The following TEAD4 variants were observed in gnomAD, a reference collection of about 807,000 sequenced individuals.
TEAD4 encodes the protein TEA domain transcription factor 4.
TEAD4 carries 36 observed loss-of-function variants against 52.4 expected under a neutral mutation model. That is an observed-to-expected ratio of 0.69 (90% confidence interval 0.53 to 0.91). The LOEUF is 0.91. TEAD4 is among the 40% of genes least tolerant of loss of function. The probability of loss-of-function intolerance (pLI) is 0.00; values close to 1 mark genes in which losing one functional copy is unlikely to be tolerated. For synonymous variants in TEAD4, 220 were observed against 231.0 expected, an observed-to-expected ratio of 0.95 and a Z score of 0.43; for missense variants, 508 against 583.9, an observed-to-expected ratio of 0.87 and a Z score of 1.34.
At position 3,040,158 on chromosome 12, in the gene TEAD4, TC is replaced by T; in HGVS notation, c.1094del (p.Pro365ArgfsTer6). 6.2e-7 allele frequency: 1 copy of T among 1,614,136 alleles called. No individual in the cohort carries two copies. ...ACACTACTCTTACCGCATCCACCGG[TC>T]CCCGCTCTGTGAGTACATGATCAAC... On this transcript the variant is annotated frameshift_variant, in exon 12 of 13. Coordinates refer to ENST00000359864, the MANE Select transcript of TEAD4 (RefSeq NM_003213.4). LOFTEE classifies it high-confidence loss of function.
At chr12:2,983,796 AT>A (rs1394020528) in intron 2 of TEAD4, among the ~76,000 whole-genome samples, 1 of 152,192 alleles carries the variant, frequency 6.6e-6, no homozygotes, top group Non-Finnish European at 1.5e-5. Context: ...CACTTAACAA[AT>A]ATCCCTTCGT....
At chr12:3,025,271 C>T (rs7312810) in intron 10 of TEAD4, among the ~76,000 whole-genome samples, 121,866 of 152,140 alleles carry the variant, frequency 0.8, 49,720 homozygotes, top group East Asian at 1. Context: ...GCTTGCCCTA[C>T]AGTTGTCATC....
At chr12:3,003,212 G>A (rs885201) in intron 3 of TEAD4, among the ~76,000 whole-genome samples, 1 of 152,042 alleles carries the variant, frequency 6.6e-6, no homozygotes, top group African/African-American at 2.4e-5. Context: ...CCACTCTTGG[G>A]TGGGGAGGCT....
chr12:2,987,367 G>C (rs927613744), intron 2 of TEAD4, among the ~76,000 whole-genome samples: 3 of 152,188 alleles, frequency 2.0e-5, no homozygotes, highest in African/African-American at 7.2e-5. Flanking sequence ...GAAGACTACA[G>C]ACTCCTCCTG....
intron 3 of TEAD4, among the ~76,000 whole-genome samples, chr12:2,995,726 G>A (rs965996016): frequency 2.0e-5 from 3 of 152,182 alleles, no homozygotes; most frequent in African/African-American, 7.2e-5. Flanking sequence ...GCAGGGGCTG[G>A]GCATGGTGGC....
chr12:2,976,785 C>T (rs368592947), intron 2 of TEAD4, among the ~76,000 whole-genome samples: 5 of 152,186 alleles, frequency 3.3e-5, no homozygotes, highest in Admixed American at 2.0e-4. Context: ...ACCCCATTGC[C>T]GCCCGGGCCT....
chr12:2,992,327 C>T (rs1029809643), intron 2 of TEAD4, among the ~76,000 whole-genome samples: 1 of 152,004 alleles, frequency 6.6e-6, no homozygotes, highest in African/African-American at 2.4e-5. Context: ...CTGGTTCCTG[C>T]TTTACGTGTC....
chr12:3,033,721 G>A (rs981895991), intron 10 of TEAD4, among the ~76,000 whole-genome samples: 13 of 152,204 alleles, frequency 8.5e-5, no homozygotes, highest in Admixed American at 3.9e-4. Context: ...CCACCCGCAC[G>A]CACAGCTATG....
intron 10 of TEAD4, among the ~76,000 whole-genome samples, chr12:3,032,120 G>C (rs78688024): frequency 7.2e-5 from 11 of 152,248 alleles, no homozygotes; most frequent in Admixed American, 3.9e-4. Flanking sequence ...GTGGCCCTGC[G>C]TGGAGACTAA....
At chr12:2,996,223 G>C (rs1369705635) in intron 3 of TEAD4, among the ~76,000 whole-genome samples, 4 of 152,074 alleles carry the variant, frequency 2.6e-5, no homozygotes. Context: ...CAGACCAGCT[G>C]CCCACCCCCA....
intron 10 of TEAD4, among the ~76,000 whole-genome samples, chr12:3,029,413 T>C (rs1303421693): frequency 6.6e-6 from 1 of 152,104 alleles, no homozygotes; most frequent in Non-Finnish European, 1.5e-5. Context: ...AATTTTTTTG[T>C]ATTTTTAGTA....
At chr12:3,020,840 A>G in intron 9 of TEAD4, 67 bp downstream of exon 9, 1 of 1,449,400 alleles carries the variant, frequency 6.9e-7, no homozygotes, top group South Asian at 1.5e-5. Flanking sequence ...TGCTTCCGGC[A>G]GTCTTGCCCC....
intron 10 of TEAD4, 27 bp from the exon 11 acceptor site, chr12:3,037,941 C>T (rs748500267): frequency 1.2e-6 from 2 of 1,601,640 alleles, no homozygotes; most frequent in East Asian, 2.2e-5. Flanking sequence ...GCTGACACTC[C>T]CTCGCCTTCC....
At chr12:3,040,024 G>A (rs2098281720) in intron 11 of TEAD4, 83 bp from the exon 12 acceptor site, 1 of 1,568,346 alleles carries the variant, frequency 6.4e-7, no homozygotes, top group African/African-American at 1.4e-5. Context: ...CAGGCTTTCT[G>A]CCTTTCCTTC....
At chr12:3,028,396 G>A (rs1249125439) in intron 10 of TEAD4, among the ~76,000 whole-genome samples, 3 of 152,174 alleles carry the variant, frequency 2.0e-5, no homozygotes, top group African/African-American at 7.2e-5. Context: ...CGAAGTGGCT[G>A]CACCGTTTTC....
At chr12:3,024,200 G>A (rs537725623) in intron 10 of TEAD4, among the ~76,000 whole-genome samples, 5 of 151,716 alleles carry the variant, frequency 3.3e-5, no homozygotes, top group African/African-American at 7.3e-5. Flanking sequence ...TCAGCCTCCC[G>A]AGTAGCTGGG....
At chr12:3,033,740 G>A (rs956634368) in intron 10 of TEAD4, among the ~76,000 whole-genome samples, 2 of 152,220 alleles carry the variant, frequency 1.3e-5, no homozygotes, top group African/African-American at 2.4e-5. Context: ...TGAATAGGGC[G>A]GAGGGAGGGT....
chr12:2,961,168 C>T (rs1476948613), intron 2 of TEAD4, among the ~76,000 whole-genome samples: 1 of 152,130 alleles, frequency 6.6e-6, no homozygotes, highest in African/African-American at 2.4e-5. Context: ...GTAAATAGTG[C>T]TTTTAAGTTG....
intron 3 of TEAD4, among the ~76,000 whole-genome samples, chr12:3,007,209 G>A (rs1464743501): frequency 1.3e-5 from 2 of 152,190 alleles, no homozygotes; most frequent in African/African-American, 4.8e-5. Context: ...TGCAGAGGCT[G>A]AGTCCTCTGT....
Sources: gnomAD v4.1 joint callset for allele counts (sites outside exome capture counted in the v4.1 genomes callset) on GRCh38, gnomAD v4.1.1 for gene constraint, MANE v1.5 for transcripts, NCBI Gene and HGNC (gene_info 2026-07-23, HGNC 2026-07-21) for gene names.